Variants in METTL23 observed in about 807,000 individuals in gnomAD.
METTL23 encodes histone-arginine methyltransferase METTL23.
A neutral mutation model predicts 21.2 loss-of-function variants in METTL23; 24 were observed. The ratio of observed to expected loss-of-function variants is 1.13; its 90% CI spans 0.82 to 1.59. The LOEUF (loss-of-function observed/expected upper bound fraction) is 1.59, where lower values mean the gene tolerates loss of function less well. Ranked by LOEUF, METTL23 falls within the 40% of genes most tolerant of loss-of-function variation. The pLI is 0.00. For missense variants in METTL23, 276 were observed against 221.4 expected (o/e 1.25, Z -1.57); for synonymous variants, 97 against 75.2 (o/e 1.29, Z -1.50).
upstream of METTL23, chr17:76,726,196 C>A: frequency 2.7e-6 from 3 of 1,111,078 alleles, no homozygotes; most frequent in Non-Finnish European, 3.6e-6. Context: ...CCGGAATCCG[C>A]GCCTCGGGGA....
At chr17:76,730,899 C>A (rs944639973) in intron 2 of METTL23, among the ~76,000 whole-genome samples, 1 of 152,042 alleles carries the variant, frequency 6.6e-6, no homozygotes, top group Non-Finnish European at 1.5e-5. Context: ...GTCAGGAGAT[C>A]GAGACCATCC....
At chr17:76,731,768 T>C (rs537601801) in intron 2 of METTL23, among the ~76,000 whole-genome samples, 1 of 152,322 alleles carries the variant, frequency 6.6e-6, no homozygotes, top group African/African-American at 2.4e-5. Flanking sequence ...CTCTTAACTT[T>C]TACTACACCA....
chr17:76,726,508 C>G (rs1047034478), upstream of METTL23: 1 of 1,575,916 alleles, frequency 6.3e-7, no homozygotes, highest in Non-Finnish European at 8.6e-7. Context: ...CCGCTACGAC[C>G]TCGGCGCAGC....
upstream of METTL23, chr17:76,726,800 GC>G: frequency 5.9e-6 from 1 of 168,260 alleles, no homozygotes. Context: ...GCCCCGCCCC[GC>G]CCCGCCCCTC....
At chr17:76,730,078 G>C (rs1327344527) in intron 2 of METTL23, among the ~76,000 whole-genome samples, 1 of 151,750 alleles carries the variant, frequency 6.6e-6, no homozygotes, top group East Asian at 1.9e-4. Context: ...CATCATTTGA[G>C]GTCAGGAGTT....
In METTL23 at chr17:76,726,844, CG is replaced by C. The variant is rs1568005249; in HGVS notation, c.-354del. 2.3e-6 allele frequency: 1 copy of C among 436,782 alleles called. No homozygotes were observed. Among genetic ancestry groups the C allele is most frequent in the Admixed American group, 2.4e-5 (1 of 41,204 alleles). 27.1% of individuals were successfully genotyped at this position (436,782 alleles called of 1,614,324 possible). ...GCGCTGCCGCTGTGCCCATCACTTC[CG>C]GTCGCGCCAGCCGCCCGTTGCCAGT... is the stretch of plus-strand genomic sequence containing the variant. On this transcript the variant is annotated 5_prime_UTR_variant, in exon 1 of 5. Coordinates refer to ENST00000341249, the MANE Select transcript of METTL23 (RefSeq NM_001080510.5).
rs1263504845 is a variant in METTL23, at chr17:76,727,157, C to T, written c.-43C>T. On this transcript the variant is annotated 5_prime_UTR_variant, in exon 1 of 5. Transcript: ENST00000341249. ...CGGGTCCGGGGGCCGACGGGGCTGTCCTGGAGGTCCACGTCCCGCAGGTGC... is the reference window on the plus strand; with the variant it reads ...CGGGTCCGGGGGCCGACGGGGCTGTTCTGGAGGTCCACGTCCCGCAGGTGC... The T allele has an allele frequency of 4.6e-6, 2 of 438,578 alleles. No homozygotes were observed. The highest frequency in any genetic ancestry group is 1.6e-5 in the South Asian group (1 of 63,480). The allele number at this position is 438,578 out of a possible 1,614,324, so 27.2% of individuals were successfully genotyped here. A position where few individuals can be genotyped will look rare whatever the true frequency, so the allele number is the denominator to read the frequency against.
intron 1 of METTL23, among the ~76,000 whole-genome samples, chr17:76,728,171 G>T (rs572500431): frequency 6.6e-6 from 1 of 151,872 alleles, no homozygotes; most frequent in Admixed American, 6.6e-5. Flanking sequence ...GAGAGGTCGA[G>T]GCTGCTGTGA....
In METTL23 at chr17:76,729,809, G is replaced by T; in HGVS notation, c.84+15G>T. On this transcript the variant is annotated intron_variant, in intron 2 of 4. Transcript: ENST00000341249. ...CCATCTTAGAGGTACAAATGCCCCT[G>T]AAGTTTCCAGAGTTCTAGGTTATGT... 2 of 1,564,916 alleles carry T rather than the reference G, an allele frequency of 1.3e-6. No homozygotes were observed. The highest frequency in any genetic ancestry group is 1.7e-6 in the Non-Finnish European group (2 of 1,147,728).
chr17:76,726,662 CA>C, upstream of METTL23: 2 of 774,410 alleles, frequency 2.6e-6, no homozygotes, highest in Non-Finnish European at 3.9e-6. Context: ...TCGGGTTGGG[CA>C]AGCGGCCGCC....
chr17:76,733,039 T>C lies in METTL23; in HGVS notation c.146T>C (p.Leu49Pro), dbSNP rs752749415. 13 of 1,601,578 alleles carry C rather than the reference T, an allele frequency of 8.1e-6. No individual in the cohort carries two copies. Among genetic ancestry groups the C allele is most frequent in the African/African-American group, 2.7e-5 (2 of 74,752 alleles). The change falls in exon 3 of 5, where the codon CTG (leucine) becomes CCG (proline). Residue 49 changes from leucine to proline, a missense_variant. Coordinates refer to ENST00000341249, the MANE Select transcript of METTL23 (RefSeq NM_001080510.5). The part of the protein sequence containing the change: ...LAAKCGAEVI[L>P]SDSSELPHCL... ...GCCAAATGTGGTGCAGAAGTAATAC[T>C]GTCAGACAGCTCAGAACTGCCTCAC...
chr17:76,733,393 C>T lies in METTL23; in HGVS notation c.407+16C>T, dbSNP rs750957246. 6 of 1,611,730 alleles carry T rather than the reference C, an allele frequency of 3.7e-6. No individual in the cohort carries two copies. Among genetic ancestry groups the T allele is most frequent in the Non-Finnish European group, 5.1e-6 (6 of 1,178,466 alleles). On this transcript the variant is annotated intron_variant, in intron 4 of 4. Transcript: ENST00000341249. The stretch of plus-strand genomic sequence containing the variant: ...AAGTTAGGAGGCAAGTATGGATGAC[C>T]CTTACTTTTTATATGTAACTTAAGC...
rs1395602065 is a variant in METTL23, at chr17:76,733,108, C to CACAT, written c.216_219dup (p.Leu74ThrfsTer29). 6.2e-7 allele frequency: 1 copy of CACAT among 1,613,322 alleles called. No individual in the cohort carries two copies. Among genetic ancestry groups the CACAT allele is most frequent in the Non-Finnish European group, 8.5e-7 (1 of 1,179,586 alleles). ...CAAAGCTGCCAAATGAATAACCTGC[C>CACAT]ACATCTGCAGGTGGTAGGACTAACA... On this transcript the variant is annotated frameshift_variant, in exon 3 of 5. Transcript: ENST00000341249. LOFTEE classifies it high-confidence loss of function.
In METTL23 at chr17:76,732,835, TTACGG is replaced by T; in HGVS notation, c.85-139_85-135del. The T allele has an allele frequency of 1.5e-5, 10 of 678,738 alleles. No individual in the cohort carries two copies. In the South Asian group the frequency reaches 1.5e-4, roughly 10 times the overall value. The allele number at this position is 678,738 out of a possible 1,614,324, so 42.0% of individuals were successfully genotyped here. A position where few individuals can be genotyped will look rare whatever the true frequency, so the allele number is the denominator to read the frequency against. ...TTGTCATGTTTATAGTAATGTTCAG[TTACGG>T]TACATTTTATACAAACCCAGAAAGA... On this transcript the variant is annotated intron_variant, in intron 2 of 4. Transcript: ENST00000341249.
In METTL23 at chr17:76,731,737, A is replaced by C. The variant is rs533657461; in HGVS notation, c.85-1241A>C. Among the ~76,000 whole-genome samples, 166 of 152,312 alleles carry C rather than the reference A, an allele frequency of 1.1e-3. No individual in the cohort carries two copies. The South Asian group carries it at 0.013, about 12-fold the overall frequency. The stretch of plus-strand genomic sequence containing the variant: ...ACCAAAGGCTAAATAGACAAACCAG[A>C]AGCTTAATATTAACATCCCACTCTT... On this transcript the variant is annotated intron_variant, in intron 2 of 4. Coordinates refer to ENST00000341249, the MANE Select transcript of METTL23 (RefSeq NM_001080510.5).
chr17:76,731,963 G>A (rs1050167137), intron 2 of METTL23, among the ~76,000 whole-genome samples: 7 of 152,202 alleles, frequency 4.6e-5, no homozygotes, highest in Non-Finnish European at 7.3e-5. Context: ...GCATCTTGCC[G>A]CTTTGAAGGC....
rs542717620 is a variant in METTL23 at position 76,728,849 on chromosome 17, A to G, written c.-21-841A>G. ...TGCTCTGTCGCCCAGGCTGGAGTGC[A>G]GTCGCGAGATCTCTGCTCACTGCAA... On this transcript the variant is annotated intron_variant, in intron 1 of 4. Coordinates refer to ENST00000341249, the MANE Select transcript of METTL23 (RefSeq NM_001080510.5). 8.5e-4 allele frequency among the ~76,000 whole-genome samples: 116 copies of G among 136,734 alleles called. No individual in the cohort carries two copies. The South Asian group carries it at 0.013, about 15-fold the overall frequency. The allele number at this position is 136,734 out of a possible 152,430, so 89.7% of individuals were successfully genotyped here. A position where few individuals can be genotyped will look rare whatever the true frequency, so the allele number is the denominator to read the frequency against.
Position 76,726,997 on chromosome 17 carries a change from C to T in METTL23, c.-203C>T, listed in dbSNP as rs543763857. ...GCTACGGCCACGTGGCCCGCGGCTT[C>T]CCGCTCGCGCAGTCTGGCAGCCCGG... On this transcript the variant is annotated 5_prime_UTR_variant, in exon 1 of 5. Coordinates refer to ENST00000341249, the MANE Select transcript of METTL23 (RefSeq NM_001080510.5). 7 of 456,286 alleles carry T rather than the reference C, an allele frequency of 1.5e-5. No individual in the cohort carries two copies. The highest frequency in any genetic ancestry group is 2.2e-5 in the Non-Finnish European group (5 of 226,818). The allele number at this position is 456,286 out of a possible 1,614,324, so 28.3% of individuals were successfully genotyped here. A position where few individuals can be genotyped will look rare whatever the true frequency, so the allele number is the denominator to read the frequency against.
At chr17:76,730,759 G>C (rs2077168660) in intron 2 of METTL23, among the ~76,000 whole-genome samples, 1 of 151,956 alleles carries the variant, frequency 6.6e-6, no homozygotes, top group South Asian at 2.1e-4. Flanking sequence ...CCTGAGGTCA[G>C]GAGTTCAAGA....
Sources: gnomAD v4.1 joint callset for allele counts (sites outside exome capture counted in the v4.1 genomes callset) on GRCh38, gnomAD v4.1.1 for gene constraint, MANE v1.5 for transcripts, NCBI Gene and HGNC (gene_info 2026-07-23, HGNC 2026-07-21) for gene names.